IKZF3: variants seen among roughly 807,000 people sequenced by gnomAD.
IKZF3 encodes zinc finger protein Aiolos.
In IKZF3, 10 loss-of-function variants were observed where a neutral mutation model predicts 49.0. The observed-to-expected ratio is 0.20, with a 90% CI of 0.13 to 0.35. The LOEUF (loss-of-function observed/expected upper bound fraction) is 0.35. Among genes scored for constraint, IKZF3 ranks in the 10% least tolerant of loss-of-function variants. IKZF3 has a pLI of 1.00. For synonymous variants in IKZF3, 209 were observed against 228.2 expected, an observed-to-expected ratio of 0.92 and a Z score of 0.76; for missense variants, 498 against 664.8, an observed-to-expected ratio of 0.75 and a Z score of 2.76.
chr17:39,791,496 T>C lies in IKZF3; in HGVS notation c.512A>G (p.Glu171Gly). 2 of 1,614,108 alleles carry C rather than the reference T, an allele frequency of 1.2e-6. No individual in the cohort carries two copies. The highest frequency in any genetic ancestry group is 1.7e-6 in the Non-Finnish European group (2 of 1,179,998). The change falls in exon 5 of 8, where the codon GAA becomes GGA. Residue 171 changes from glutamate to glycine, a missense_variant. Coordinates refer to ENST00000346872, the MANE Select transcript of IKZF3 (RefSeq NM_012481.5). The part of the protein sequence containing the change: ...LLRHIKLHTG[E>G]KPFKCHLCNY... ...GCAGAGGTGACACTTAAAAGGTTTTTCCCCTGTGTGCAGTTTAATGTGGCG... is the reference window on the plus strand; with the variant it reads ...GCAGAGGTGACACTTAAAAGGTTTTCCCCCTGTGTGCAGTTTAATGTGGCG...
In IKZF3 at chr17:39,861,203, A is replaced by C. The variant is rs73304181; in HGVS notation, c.7+2917T>G. ...CCAGAAGCTTAAAGACCAGAGGGGGAATAAACACCTACATCAATAAATAAT... is the reference window on the plus strand; with the variant it reads ...CCAGAAGCTTAAAGACCAGAGGGGGCATAAACACCTACATCAATAAATAAT... On this transcript the variant is annotated intron_variant, in intron 1 of 7. Coordinates refer to ENST00000346872, the MANE Select transcript of IKZF3 (RefSeq NM_012481.5). Among the ~76,000 whole-genome samples, 1,349 of 152,332 alleles carry C rather than the reference A, an allele frequency of 8.9e-3. 29 individuals are homozygous for C. Among genetic ancestry groups the C allele is most frequent in the African/African-American group, 0.031 (1,280 of 41,570 alleles).
intron 1 of IKZF3, chr17:39,835,279 T>C: frequency 1.8e-6 from 1 of 552,508 alleles, no homozygotes; most frequent in South Asian, 1.5e-5. Flanking sequence ...AGCTTGATGG[T>C]CATCAGCTCC....
rs1286948733 is a variant in IKZF3, at chr17:39,758,664, C to T, written c.*7126G>A. ...GTACTAATGGCTGAGGACTCACAGA[C>T]AGTGAGGGAGCAAAGCGCTTTGACT... On this transcript the variant is annotated 3_prime_UTR_variant, in exon 8 of 8. Transcript: ENST00000346872. 1 of 151,580 alleles carries T rather than the reference C, an allele frequency of 6.6e-6. No homozygotes were observed. Among genetic ancestry groups the T allele is most frequent in the African/African-American group, 2.4e-5 (1 of 41,178 alleles). The allele number at this position is 151,580 out of a possible 1,614,324, so 9.4% of individuals were successfully genotyped here.
At chr17:39,843,389 G>C (rs768142158) in intron 1 of IKZF3, among the ~76,000 whole-genome samples, 1 of 151,494 alleles carries the variant, frequency 6.6e-6, no homozygotes, top group Non-Finnish European at 1.5e-5. Context: ...TTTTAAAAAC[G>C]CTAACTATGA....
rs572289583 is a variant in IKZF3 at position 39,800,607 on chromosome 17, T to C, written c.164-7674A>G. On this transcript the variant is annotated intron_variant, in intron 3 of 7. Transcript: ENST00000346872. ...CTACTCTAGGGTACAATTGCTCCCATCTTTGTCTATGTTTTCAGGCCTCTT... is the reference window on the plus strand; with the variant it reads ...CTACTCTAGGGTACAATTGCTCCCACCTTTGTCTATGTTTTCAGGCCTCTT... Among the ~76,000 whole-genome samples, 4 of 152,268 alleles carry C rather than the reference T, an allele frequency of 2.6e-5. No individual in the cohort carries two copies. In the South Asian group the frequency reaches 6.2e-4, roughly 24 times the overall value.
chr17:39,815,559 C>T (rs556697241), intron 3 of IKZF3, among the ~76,000 whole-genome samples: 26 of 152,270 alleles, frequency 1.7e-4, no homozygotes, highest in African/African-American at 6.3e-4. Flanking sequence ...TGTTTTAACT[C>T]TTGCTTTTGA....
chr17:39,821,356 G>C (rs950112872), intron 3 of IKZF3, among the ~76,000 whole-genome samples: 6 of 152,108 alleles, frequency 3.9e-5, no homozygotes, highest in Admixed American at 3.9e-4. Flanking sequence ...ATCAGCCCAG[G>C]CTCACAGAAA....
intron 5 of IKZF3, among the ~76,000 whole-genome samples, chr17:39,790,537 G>A (rs868152356): frequency 6.6e-6 from 1 of 152,006 alleles, no homozygotes; most frequent in Non-Finnish European, 1.5e-5. Context: ...CAGTAGATGT[G>A]AACTGACATA....
chr17:39,831,714 A>G (rs2062113776), intron 2 of IKZF3, among the ~76,000 whole-genome samples: 1 of 152,214 alleles, frequency 6.6e-6, no homozygotes, highest in Non-Finnish European at 1.5e-5. Flanking sequence ...TGCAAAGTCT[A>G]AATATTTACT....
chr17:39,766,363 G>A lies in IKZF3; in HGVS notation c.957C>T (p.Ala319=). 2 of 1,614,196 alleles carry A rather than the reference G, an allele frequency of 1.2e-6. No individual in the cohort carries two copies. Residue 319 remains alanine (A), a synonymous_variant, in exon 8 of 8, where the codon GCC becomes GCT. Coordinates refer to ENST00000346872, the MANE Select transcript of IKZF3 (RefSeq NM_012481.5). ...NNAISYLGAE[A]LRPLVQTPPA... ...GCGGTGTCTGGACCAAGGGGCGCAG[G>A]GCTTCGGCGCCAAGATAGCTGATGG...
intron 7 of IKZF3, among the ~76,000 whole-genome samples, chr17:39,769,781 G>A (rs896557208): frequency 6.6e-6 from 1 of 152,154 alleles, no homozygotes; most frequent in African/African-American, 2.4e-5. Context: ...GGTGGGGTAG[G>A]CACATCACAA....
intron 7 of IKZF3, among the ~76,000 whole-genome samples, chr17:39,771,763 AAGGTCTCACTCTGTTGCTC>A (rs1216781237): frequency 1.3e-5 from 2 of 152,026 alleles, no homozygotes; most frequent in Non-Finnish European, 2.9e-5. Flanking sequence ...TTTTTGAGAC[AAGGTCTCACTCTGTTGCTC>A]AGGTGGGATT....
chr17:39,768,296 G>T (rs1028329551), intron 7 of IKZF3, among the ~76,000 whole-genome samples: 7 of 152,124 alleles, frequency 4.6e-5, no homozygotes, highest in Admixed American at 6.5e-5. Flanking sequence ...TTTTGAGAAG[G>T]GTCTTGAACT....
intron 7 of IKZF3, among the ~76,000 whole-genome samples, chr17:39,771,803 G>A (rs993078447): frequency 1.3e-5 from 2 of 152,080 alleles, no homozygotes; most frequent in African/African-American, 4.8e-5. Context: ...GCAGTGGCGT[G>A]ATCACAGCTC....
chr17:39,847,116 A>G (rs2062655643), intron 1 of IKZF3, among the ~76,000 whole-genome samples: 1 of 152,194 alleles, frequency 6.6e-6, no homozygotes, highest in African/African-American at 2.4e-5. Context: ...TGATTATAAG[A>G]ATGTTTTCAG....
intron 1 of IKZF3, among the ~76,000 whole-genome samples, chr17:39,844,912 T>C (rs1483672707): frequency 6.6e-6 from 1 of 152,216 alleles, no homozygotes; most frequent in Non-Finnish European, 1.5e-5. Flanking sequence ...TTTAAATCTG[T>C]CTTTTCCCAC....
At chr17:39,842,720 T>A (rs1568051395) in intron 1 of IKZF3, among the ~76,000 whole-genome samples, 1 of 152,196 alleles carries the variant, frequency 6.6e-6, no homozygotes, top group Non-Finnish European at 1.5e-5. Flanking sequence ...AATAAATGAA[T>A]AAATTAAAAG....
intron 3 of IKZF3, among the ~76,000 whole-genome samples, chr17:39,825,183 G>T (rs994159598): frequency 3.3e-5 from 5 of 152,128 alleles, no homozygotes; most frequent in African/African-American, 1.2e-4. Context: ...CTTCATAGCA[G>T]CATGAGAACA....
chr17:39,829,324 C>A, intron 3 of IKZF3, 63 bp downstream of exon 3: 1 of 1,140,044 alleles, frequency 8.8e-7, no homozygotes, highest in Admixed American at 1.9e-5. Flanking sequence ...CTGATTTCTT[C>A]TCTACACTAA....
Sources: allele counts gnomAD v4.1 joint callset (sites outside exome capture counted in the v4.1 genomes callset), GRCh38; gene constraint gnomAD v4.1.1; transcripts MANE v1.5; gene names NCBI Gene and HGNC (gene_info 2026-07-23, HGNC 2026-07-21).